The following FBXW7 variants were observed in gnomAD, a reference collection of about 807,000 sequenced individuals.
FBXW7 encodes the protein F-box/WD repeat-containing protein 7.
Under a neutral mutation model 86.3 loss-of-function variants are expected in FBXW7, and 11 were observed. That is an observed-to-expected ratio of 0.13 (90% CI 0.08 to 0.21). The LOEUF is 0.21. Ranked by LOEUF, FBXW7 falls within the 10% of genes least tolerant of loss-of-function variation. FBXW7 has a pLI of 1.00. For synonymous variants in FBXW7, 313 were observed against 297.9 expected, an observed-to-expected ratio of 1.05 and a Z score of -0.52; for missense variants, 488 against 847.4, an observed-to-expected ratio of 0.58 and a Z score of 5.27.
intron 2 of FBXW7, among the ~76,000 whole-genome samples, chr4:152,490,061 A>G (rs1332513673): frequency 6.6e-6 from 1 of 152,198 alleles, no homozygotes; most frequent in Admixed American, 6.5e-5. Flanking sequence ...ATTATGCCAA[A>G]TGAAATGAGA....
Position 152,535,915 on chromosome 4 carries a change from C to G in FBXW7, c.-1001G>C, listed in dbSNP as rs996847988. The G allele has an allele frequency of 2.9e-6, 1 of 343,364 alleles. No individual in the cohort carries two copies. Among genetic ancestry groups the G allele is most frequent in the Non-Finnish European group, 5.3e-6 (1 of 190,268 alleles). 21.3% of individuals were successfully genotyped at this position (343,364 alleles called of 1,614,324 possible). A position where few individuals can be genotyped will look rare whatever the true frequency, so the allele number is the denominator to read the frequency against. On this transcript the variant is annotated 5_prime_UTR_variant, in exon 1 of 14. Transcript: ENST00000281708. ...GAAAGGAGTGCGGCCGCGGCTCCCG[C>G]TGGCCCAGGTGAGAGCGAAGGTCTC...
intron 6 of FBXW7, among the ~76,000 whole-genome samples, chr4:152,340,373 C>T (rs143792578): frequency 0.014 from 2,080 of 151,854 alleles, 25 homozygotes; most frequent in Middle Eastern, 0.037. Flanking sequence ...GTCAGGAGAT[C>T]GAGACCATCC....
At chr4:152,443,196 A>C (rs146012353) in intron 2 of FBXW7, among the ~76,000 whole-genome samples, 1 of 152,274 alleles carries the variant, frequency 6.6e-6, no homozygotes, top group African/African-American at 2.4e-5. Flanking sequence ...CGGGAGGCGG[A>C]GGTTGTGGTG....
chr4:152,366,126 A>G (rs1381982666), intron 4 of FBXW7, among the ~76,000 whole-genome samples: 1 of 152,210 alleles, frequency 6.6e-6, no homozygotes, highest in African/African-American at 2.4e-5. Flanking sequence ...TGTAGGTGAA[A>G]AATACATTTT....
chr4:152,502,398 T>C (rs1747037946), intron 2 of FBXW7, among the ~76,000 whole-genome samples: 1 of 152,162 alleles, frequency 6.6e-6, no homozygotes, highest in African/African-American at 2.4e-5. Context: ...ATCTAGTCAG[T>C]AAAAATTAAC....
intron 6 of FBXW7, among the ~76,000 whole-genome samples, chr4:152,339,150 T>C (rs1730459518): frequency 1.3e-5 from 2 of 152,210 alleles, no homozygotes; most frequent in South Asian, 4.1e-4. Context: ...TTTATTTCCA[T>C]AGTATATTCC....
At chr4:152,505,420 C>T (rs1401899800) in intron 2 of FBXW7, among the ~76,000 whole-genome samples, 1 of 152,016 alleles carries the variant, frequency 6.6e-6, no homozygotes, top group African/African-American at 2.4e-5. Context: ...AATTTTTTGC[C>T]TGTTTTGTAA....
intron 4 of FBXW7, among the ~76,000 whole-genome samples, chr4:152,365,471 G>A (rs1733394859): frequency 6.6e-6 from 1 of 152,104 alleles, no homozygotes; most frequent in African/African-American, 2.4e-5. Context: ...TGATGGCTTC[G>A]ATTAGCTAGG....
Position 152,535,475 on chromosome 4 carries a change from T to G in FBXW7, c.-561A>C. 1 of 388,598 alleles carries G rather than the reference T, an allele frequency of 2.6e-6. No individual in the cohort carries two copies. The highest frequency in any genetic ancestry group is 4.5e-6 in the Non-Finnish European group (1 of 220,198). 24.1% of individuals were successfully genotyped at this position (388,598 alleles called of 1,614,324 possible). ...CCGCCGCCCCAGCCGCCGCTTCACATCGGGGTCCCCGCCCCCCCGGCCGGG... is the reference window on the plus strand; with the variant it reads ...CCGCCGCCCCAGCCGCCGCTTCACAGCGGGGTCCCCGCCCCCCCGGCCGGG... On this transcript the variant is annotated 5_prime_UTR_variant, in exon 1 of 14. The change abolishes an upstream ATG in the 5' untranslated region. Coordinates refer to ENST00000281708, the MANE Select transcript of FBXW7 (RefSeq NM_001349798.2).
chr4:152,392,404 T>A (rs1000986260), intron 4 of FBXW7, among the ~76,000 whole-genome samples: 1 of 152,118 alleles, frequency 6.6e-6, no homozygotes, highest in Non-Finnish European at 1.5e-5. Context: ...CAGGCCACCA[T>A]GCTCTGAAGA....
chr4:152,484,907 A>G (rs1459644952), intron 2 of FBXW7, among the ~76,000 whole-genome samples: 2 of 150,034 alleles, frequency 1.3e-5, no homozygotes, highest in Non-Finnish European at 3.0e-5. Flanking sequence ...AGCTGCAGTG[A>G]GCTGAGATCG....
intron 2 of FBXW7, among the ~76,000 whole-genome samples, chr4:152,427,725 T>C (rs1374296592): frequency 1.3e-5 from 2 of 152,244 alleles, no homozygotes; most frequent in Non-Finnish European, 2.9e-5. Flanking sequence ...AAGTGTTTTG[T>C]TATGTGAGTT....
intron 2 of FBXW7, among the ~76,000 whole-genome samples, chr4:152,511,416 CT>C (rs35176150): frequency 0.47 from 70,559 of 151,062 alleles, 19,108 homozygotes; most frequent in African/African-American, 0.75. Flanking sequence ...TCTATAGTTT[CT>C]TTTTTTTCTA....
intron 4 of FBXW7, among the ~76,000 whole-genome samples, chr4:152,383,888 C>A (rs1735304981): frequency 6.6e-6 from 1 of 151,952 alleles, no homozygotes; most frequent in Non-Finnish European, 1.5e-5. Context: ...CAGATTTCTC[C>A]AAAGATATGT....
At chr4:152,433,366 A>C (rs990259904) in intron 2 of FBXW7, among the ~76,000 whole-genome samples, 1 of 152,206 alleles carries the variant, frequency 6.6e-6, no homozygotes, top group African/African-American at 2.4e-5. Flanking sequence ...TTTCACCAAC[A>C]TTCAGTGGTG....
chr4:152,412,775 T>C (rs1434695009), intron 2 of FBXW7, among the ~76,000 whole-genome samples: 1 of 152,096 alleles, frequency 6.6e-6, no homozygotes, highest in Non-Finnish European at 1.5e-5. Context: ...ATTGTGATTA[T>C]AGTATGATTT....
In FBXW7 at chr4:152,499,002, G is replaced by A. The variant is rs528913673; in HGVS notation, c.-120+35939C>T. Among the ~76,000 whole-genome samples the A allele has an allele frequency of 1.1e-4, 16 of 152,270 alleles. 1 individual carries two copies. The South Asian group carries it at 2.9e-3, about 28-fold the overall frequency. Reference sequence around the variant, plus strand: ...AAGCTATAAACAGAATCTATTTGAGGTGGTTTCAAGAGAAAATAAATTTAT... The same window carrying A: ...AAGCTATAAACAGAATCTATTTGAGATGGTTTCAAGAGAAAATAAATTTAT... On this transcript the variant is annotated intron_variant, in intron 2 of 13. Coordinates refer to ENST00000281708, the MANE Select transcript of FBXW7 (RefSeq NM_001349798.2).
intron 7 of FBXW7, among the ~76,000 whole-genome samples, chr4:152,333,363 A>G (rs1002432953): frequency 6.6e-6 from 1 of 152,124 alleles, no homozygotes; most frequent in Non-Finnish European, 1.5e-5. Context: ...TAAGAGTTGT[A>G]TATTTGAGCT....
chr4:152,504,945 A>G (rs1560977788), intron 2 of FBXW7, among the ~76,000 whole-genome samples: 1 of 152,170 alleles, frequency 6.6e-6, no homozygotes, highest in Non-Finnish European at 1.5e-5. Flanking sequence ...GTGTGGCTCA[A>G]ATTATACAGT....
Sources: allele counts gnomAD v4.1 joint callset (sites outside exome capture counted in the v4.1 genomes callset), GRCh38; gene constraint gnomAD v4.1.1; transcripts MANE v1.5; gene names NCBI Gene and HGNC (gene_info 2026-07-23, HGNC 2026-07-21).